TAF4B: variants seen among roughly 807,000 people sequenced by gnomAD.
TAF4B encodes transcription initiation factor TFIID subunit 4B.
Under a neutral mutation model 86.4 loss-of-function variants are expected in TAF4B, and 38 were observed. The ratio of observed to expected loss-of-function variants is 0.44; its 90% CI spans 0.34 to 0.58. TAF4B has a LOEUF of 0.58. Among genes scored for constraint, TAF4B ranks in the 20% least tolerant of loss-of-function variants. TAF4B has a pLI of 0.02. For synonymous variants in TAF4B, 388 were observed against 391.2 expected, an observed-to-expected ratio of 0.99 and a Z score of 0.10; for missense variants, 988 against 1,027.6, an observed-to-expected ratio of 0.96 and a Z score of 0.53.
intron 11 of TAF4B, among the ~76,000 whole-genome samples, chr18:26,326,787 AC>A (rs1293895233): frequency 3.3e-5 from 5 of 152,156 alleles, no homozygotes; most frequent in African/African-American, 1.2e-4. Flanking sequence ...GTTCTTTGAA[AC>A]ATAACTGGTT....
intron 12 of TAF4B, among the ~76,000 whole-genome samples, chr18:26,329,090 ACT>A (rs1405572257): frequency 6.7e-6 from 1 of 148,822 alleles, no homozygotes; most frequent in East Asian, 2.0e-4. Flanking sequence ...ACAGAGTTTC[ACT>A]CTGTTACTAG....
chr18:26,338,132 A>G (rs538063469), intron 13 of TAF4B, among the ~76,000 whole-genome samples: 1 of 152,152 alleles, frequency 6.6e-6, no homozygotes, highest in African/African-American at 2.4e-5. Context: ...TCTTATCCAT[A>G]TTTGCTTTCA....
At chr18:26,368,007 C>T (rs1035048231) in intron 14 of TAF4B, among the ~76,000 whole-genome samples, 1 of 152,074 alleles carries the variant, frequency 6.6e-6, no homozygotes, top group Non-Finnish European at 1.5e-5. Flanking sequence ...GCATCTCTAC[C>T]GTTCCTTTGT....
chr18:26,345,361 T>A (rs1446207288), intron 13 of TAF4B, among the ~76,000 whole-genome samples: 2 of 152,256 alleles, frequency 1.3e-5, no homozygotes, highest in African/African-American at 4.8e-5. Flanking sequence ...CCCTGTGGGC[T>A]GCTCCTTGCA....
chr18:26,242,840 A>G (rs963229609), intron 1 of TAF4B, among the ~76,000 whole-genome samples: 1 of 152,282 alleles, frequency 6.6e-6, no homozygotes, highest in African/African-American at 2.4e-5. Context: ...TCCTTCACTT[A>G]TGAAGCTTAG....
chr18:26,295,461 A>C (rs1200143947), intron 9 of TAF4B: 1 of 176,468 alleles, frequency 5.7e-6, no homozygotes, highest in Non-Finnish European at 1.2e-5. Context: ...TATAAGGAGC[A>C]CACAACCTAG....
chr18:26,270,731 G>T (rs1336579972), intron 3 of TAF4B, among the ~76,000 whole-genome samples: 3 of 150,546 alleles, frequency 2.0e-5, no homozygotes, highest in African/African-American at 7.5e-5. Context: ...ATGAATGTAG[G>T]CTTCAAACTA....
chr18:26,322,084 A>T (rs2056967852), intron 11 of TAF4B, among the ~76,000 whole-genome samples: 1 of 152,058 alleles, frequency 6.6e-6, no homozygotes, highest in Non-Finnish European at 1.5e-5. Context: ...AAATAAGATA[A>T]CTGTTTCCCT....
chr18:26,371,034 G>A (rs1231321827), intron 14 of TAF4B, among the ~76,000 whole-genome samples: 1 of 151,914 alleles, frequency 6.6e-6, no homozygotes, highest in Non-Finnish European at 1.5e-5. Context: ...GAGAAATAAG[G>A]AATTCTCAAA....
In TAF4B at chr18:26,316,456, T is replaced by C. The variant is rs932142756; in HGVS notation, c.2002+1058T>C. Among the ~76,000 whole-genome samples the C allele has an allele frequency of 2.6e-5, 4 of 152,144 alleles. No homozygotes were observed. In the East Asian group the frequency reaches 7.8e-4, roughly 29 times the overall value. On this transcript the variant is annotated intron_variant, in intron 10 of 14. Coordinates refer to ENST00000269142, the MANE Select transcript of TAF4B (RefSeq NM_005640.3). ...CCCAGGCTGGAGTGCAGTGGTGCCA[T>C]CTTGGCTCACTGCAGCCTCTGCCTC...
chr18:26,292,810 A>G (rs1426946378), intron 8 of TAF4B, among the ~76,000 whole-genome samples: 1 of 152,218 alleles, frequency 6.6e-6, no homozygotes, highest in Non-Finnish European at 1.5e-5. Flanking sequence ...TACAGGTGTG[A>G]GCCACTGTGC....
At chr18:26,376,020 T>C (rs2057440303) in intron 14 of TAF4B, among the ~76,000 whole-genome samples, 1 of 152,206 alleles carries the variant, frequency 6.6e-6, no homozygotes, top group African/African-American at 2.4e-5. Context: ...ATAGTAGATA[T>C]ATAGAATTAT....
chr18:26,359,873 T>C (rs1424035209), intron 14 of TAF4B, among the ~76,000 whole-genome samples: 1 of 136,894 alleles, frequency 7.3e-6, no homozygotes, highest in Non-Finnish European at 1.6e-5. Context: ...CACACCACCA[T>C]GCCTGGCTAA....
rs565303128 is a variant in TAF4B at position 26,296,991 on chromosome 18, T to C, written c.1832+3460T>C. Reference sequence around the variant, plus strand: ...CTGTCTCTACCGAAAATATAAAAATTAGCAGGGCATGGTGGTGCATGTCTG... The same window carrying C: ...CTGTCTCTACCGAAAATATAAAAATCAGCAGGGCATGGTGGTGCATGTCTG... On this transcript the variant is annotated intron_variant, in intron 9 of 14. Coordinates refer to ENST00000269142, the MANE Select transcript of TAF4B (RefSeq NM_005640.3). 2.0e-5 allele frequency among the ~76,000 whole-genome samples: 3 copies of C among 152,098 alleles called. No homozygotes were observed. The East Asian group carries it at 5.8e-4, about 29-fold the overall frequency.
At chr18:26,326,418 C>T (rs540675190) in intron 11 of TAF4B, among the ~76,000 whole-genome samples, 1 of 152,140 alleles carries the variant, frequency 6.6e-6, no homozygotes, top group African/African-American at 2.4e-5. Flanking sequence ...CAAATTCACA[C>T]CCCTGAGTAA....
intron 1 of TAF4B, among the ~76,000 whole-genome samples, chr18:26,244,894 C>T (rs988002051): frequency 5.3e-5 from 8 of 152,106 alleles, no homozygotes; most frequent in African/African-American, 7.2e-5. Flanking sequence ...CTCGCTTGGG[C>T]GACATAACTT....
At chr18:26,296,715 T>C (rs1598771386) in intron 9 of TAF4B, among the ~76,000 whole-genome samples, 1 of 152,318 alleles carries the variant, frequency 6.6e-6, no homozygotes, top group East Asian at 1.9e-4. Context: ...TTGCACTCCT[T>C]ACCAGCCAGT....
intron 7 of TAF4B, among the ~76,000 whole-genome samples, chr18:26,290,435 T>C (rs561193217): frequency 1.3e-5 from 2 of 152,334 alleles, no homozygotes; most frequent in Admixed American, 6.5e-5. Flanking sequence ...ATGAGAATTA[T>C]ATAGTTGTTT....
intron 13 of TAF4B, among the ~76,000 whole-genome samples, chr18:26,352,678 C>A (rs570979880): frequency 6.6e-6 from 1 of 152,208 alleles, no homozygotes; most frequent in East Asian, 1.9e-4. Context: ...ATCCCATAAG[C>A]CCAGGAGGTG....
Sources: allele counts gnomAD v4.1 joint callset (sites outside exome capture counted in the v4.1 genomes callset), GRCh38; gene constraint gnomAD v4.1.1; transcripts MANE v1.5; gene names NCBI Gene and HGNC (gene_info 2026-07-23, HGNC 2026-07-21).